AGBL1: variants seen among roughly 807,000 people sequenced by gnomAD.
AGBL1 encodes the protein AGBL carboxypeptidase 1, also known as cytosolic carboxypeptidase 4.
AGBL1 carries 130 observed loss-of-function variants against 118.9 expected under a neutral mutation model. The ratio of observed to expected loss-of-function variants is 1.09; its 90% confidence interval spans 0.95 to 1.26. The LOEUF (loss-of-function observed/expected upper bound fraction) is 1.26. Ranked by LOEUF, AGBL1 falls within the 50% of genes most tolerant of loss-of-function variation. AGBL1 has a pLI of 0.00. For synonymous variants in AGBL1, 555 were observed against 478.9 expected (o/e 1.16, Z -2.08); for missense variants, 1,584 against 1,298.1 (o/e 1.22, Z -3.38).
chr15:86,802,368 C>T (rs959367447), intron 22 of AGBL1, among the ~76,000 whole-genome samples: 2 of 151,944 alleles, frequency 1.3e-5, no homozygotes, highest in Admixed American at 6.6e-5. Flanking sequence ...ACCCCAGTTC[C>T]TATCACAGAG....
chr15:86,215,060 A>G (rs965931171), intron 5 of AGBL1, among the ~76,000 whole-genome samples: 1 of 152,070 alleles, frequency 6.6e-6, no homozygotes, highest in Non-Finnish European at 1.5e-5. Flanking sequence ...TTTCTGCACC[A>G]TATGTTTATT....
intron 21 of AGBL1, among the ~76,000 whole-genome samples, chr15:86,595,261 CT>C (rs1486171890): frequency 6.6e-6 from 1 of 152,108 alleles, no homozygotes; most frequent in African/African-American, 2.4e-5. Flanking sequence ...CAGCTTGGAT[CT>C]TTTTTTCTAA....
chr15:86,348,002 G>A (rs1243259548), intron 17 of AGBL1, among the ~76,000 whole-genome samples: 1 of 152,068 alleles, frequency 6.6e-6, no homozygotes, highest in Non-Finnish European at 1.5e-5. Context: ...CTGGGTAAGA[G>A]CCATTCTTCA....
At chr15:86,891,204 G>C (rs929408623) in intron 22 of AGBL1, among the ~76,000 whole-genome samples, 1 of 152,026 alleles carries the variant, frequency 6.6e-6, no homozygotes, top group African/African-American at 2.4e-5. Flanking sequence ...TTGGTGTATA[G>C]GAATGCTAGC....
intron 19 of AGBL1, among the ~76,000 whole-genome samples, chr15:86,544,369 A>G (rs566511332): frequency 3.3e-5 from 5 of 152,260 alleles, no homozygotes; most frequent in Non-Finnish European, 7.4e-5. Context: ...ACCCCTTAAT[A>G]TGCCTCAGCT....
intron 22 of AGBL1, among the ~76,000 whole-genome samples, chr15:86,801,133 T>A (rs1251813458): frequency 6.6e-6 from 1 of 152,090 alleles, no homozygotes; most frequent in Non-Finnish European, 1.5e-5. Flanking sequence ...ACATTCACCA[T>A]CTTACAGCTT....
At chr15:86,632,714 A>C (rs1325400620) in intron 21 of AGBL1, among the ~76,000 whole-genome samples, 1 of 150,812 alleles carries the variant, frequency 6.6e-6, no homozygotes, top group Non-Finnish European at 1.5e-5. Flanking sequence ...GGTGTTGCCT[A>C]TAAGTAAGGG....
At chr15:86,362,022 C>T (rs2080813388) in intron 17 of AGBL1, among the ~76,000 whole-genome samples, 1 of 152,062 alleles carries the variant, frequency 6.6e-6, no homozygotes, top group Non-Finnish European at 1.5e-5. Flanking sequence ...TTCTTCTTTG[C>T]TTCTGTCTTC....
chr15:86,930,789 T>A (rs1385487746), intron 23 of AGBL1, among the ~76,000 whole-genome samples: 2 of 152,010 alleles, frequency 1.3e-5, no homozygotes, highest in Non-Finnish European at 2.9e-5. Context: ...TAAAGGAAAA[T>A]CTTGAGTTTC....
Position 86,678,741 on chromosome 15 carries a change from A to G in AGBL1, c.3158+4305A>G, listed in dbSNP as rs201326620. Among the ~76,000 whole-genome samples, 4 of 152,200 alleles carry G rather than the reference A, an allele frequency of 2.6e-5. No homozygotes were observed. In the East Asian group the frequency reaches 5.8e-4, roughly 22 times the overall value. On this transcript the variant is annotated intron_variant, in intron 22 of 22. Transcript: ENST00000614907. ...ACAGATAAATTCACACCCACTGTTT[A>G]TCTATCTGTTATTGAACTGAGGTAG...
At chr15:86,575,621 C>A (rs1444838286) in intron 21 of AGBL1, among the ~76,000 whole-genome samples, 1 of 152,116 alleles carries the variant, frequency 6.6e-6, no homozygotes, top group Non-Finnish European at 1.5e-5. Flanking sequence ...CAAGATCTCT[C>A]TCTGTCACCC....
chr15:86,218,927 G>T (rs1469935960), intron 5 of AGBL1, among the ~76,000 whole-genome samples: 1 of 152,222 alleles, frequency 6.6e-6, no homozygotes, highest in African/African-American at 2.4e-5. Flanking sequence ...GTAAGCAGAG[G>T]ATCCACCTAA....
In AGBL1 at chr15:86,185,880, A is replaced by G. The variant is rs936174823; in HGVS notation, c.488+26854A>G. The stretch of plus-strand genomic sequence containing the variant: ...TGTAACTAACCTGCACGTTGTGCAC[A>G]TGTACCCTGGAACTTAGAGTATAAT... On this transcript the variant is annotated intron_variant, in intron 5 of 22. Coordinates refer to ENST00000614907, the MANE Select transcript of AGBL1 (RefSeq NM_001386094.1). 5.9e-5 allele frequency among the ~76,000 whole-genome samples: 9 copies of G among 152,170 alleles called. No individual in the cohort carries two copies. The East Asian group carries it at 1.4e-3, about 23-fold the overall frequency.
chr15:86,961,125 A>AC (rs753943280), intron 23 of AGBL1, among the ~76,000 whole-genome samples: 10 of 152,098 alleles, frequency 6.6e-5, no homozygotes, highest in Non-Finnish European at 1.5e-4. Flanking sequence ...TAACTATGTG[A>AC]CATAATAGAC....
intron 18 of AGBL1, among the ~76,000 whole-genome samples, chr15:86,458,552 A>C (rs2082290041): frequency 6.6e-6 from 1 of 152,198 alleles, no homozygotes; most frequent in Admixed American, 6.5e-5. Context: ...AATTGGGAAC[A>C]AAGCTTACAC....
chr15:86,588,443 C>T (rs368471332), intron 21 of AGBL1, among the ~76,000 whole-genome samples: 1 of 152,186 alleles, frequency 6.6e-6, no homozygotes. Flanking sequence ...GCAGCAGTAA[C>T]CATTGAGGAC....
chr15:86,554,526 G>T lies in AGBL1; in HGVS notation c.2983G>T (p.Gly995Cys). Residue 995 changes from glycine (G) to cysteine (C), a missense_variant, in exon 21 of 23, where the codon GGC becomes TGC. Coordinates refer to ENST00000614907, the MANE Select transcript of AGBL1 (RefSeq NM_001386094.1). ...AAGCAGCTACTGTGGCTGCAACCAGGGCCCTTATCAGGTATGTGAGGCTGC... is the reference window on the plus strand; with the variant it reads ...AAGCAGCTACTGTGGCTGCAACCAGTGCCCTTATCAGGTATGTGAGGCTGC... Reference protein sequence around the residue: ...MESSYCGCNQGPYQGLQFGTR... With the variant: ...MESSYCGCNQCPYQGLQFGTR... 1 of 1,532,368 alleles carries T rather than the reference G, an allele frequency of 6.5e-7. No individual in the cohort carries two copies. Among genetic ancestry groups the T allele is most frequent in the Admixed American group, 2.3e-5 (1 of 43,710 alleles). The allele number at this position is 1,532,368 out of a possible 1,614,324, so 94.9% of individuals were successfully genotyped here. A position where few individuals can be genotyped will look rare whatever the true frequency, so the allele number is the denominator to read the frequency against.
intron 3 of AGBL1, among the ~76,000 whole-genome samples, chr15:86,149,224 G>T (rs150678430): frequency 1.3e-5 from 2 of 152,068 alleles, no homozygotes; most frequent in Admixed American, 6.6e-5. Flanking sequence ...ATCAATTAAC[G>T]GGCAAAATAA....
chr15:86,985,787 C>G (rs1055964494), intron 23 of AGBL1, among the ~76,000 whole-genome samples: 2 of 152,076 alleles, frequency 1.3e-5, no homozygotes, highest in African/African-American at 2.4e-5. Context: ...GCTGTTGTAT[C>G]TAAACTGTAT....
Sources: gnomAD v4.1 joint callset for allele counts (sites outside exome capture counted in the v4.1 genomes callset) on GRCh38, gnomAD v4.1.1 for gene constraint, MANE v1.5 for transcripts, NCBI Gene and HGNC (gene_info 2026-07-23, HGNC 2026-07-21) for gene names.